FXR1: variants seen among roughly 807,000 people sequenced by gnomAD.
The protein encoded by FXR1 is RNA-binding protein FXR1.
In FXR1, 15 loss-of-function variants were observed where a neutral mutation model predicts 84.0. The observed-to-expected ratio is 0.18, with a 90% CI of 0.12 to 0.27. The LOEUF is 0.27. Among genes scored for constraint, FXR1 ranks in the 10% least tolerant of loss-of-function variants. The pLI is 1.00. For synonymous variants in FXR1, 245 were observed against 250.7 expected, an observed-to-expected ratio of 0.98 and a Z score of 0.21; for missense variants, 480 against 774.4, an observed-to-expected ratio of 0.62 and a Z score of 4.51.
Position 180,953,782 on chromosome 3 carries a change from G to C in FXR1, c.822G>C (p.Lys274Asn), listed in dbSNP as rs371122085. ...TACAGAGTGCTGATGCTGTAAAAAAGGCTAGAGGTTTCTTGGAATTTGTGG... is the reference window on the plus strand; with the variant it reads ...TACAGAGTGCTGATGCTGTAAAAAACGCTAGAGGTTTCTTGGAATTTGTGG... ...IYGESADAVK[K>N]ARGFLEFVED... The change falls in exon 9 of 17, where the codon AAG (lysine) becomes AAC (asparagine). Residue 274 changes from lysine (K) to asparagine (N), a missense_variant. Physicochemically the swap from Lys to Asn is moderately conservative, Grantham distance 94 (BLOSUM62 0). This residue lies in a region of FXR1 where 136 missense variants were observed against 315.4 expected (regional missense o/e 0.43). Coordinates refer to ENST00000357559, the MANE Select transcript of FXR1 (RefSeq NM_005087.4). 6 of 1,584,060 alleles carry C rather than the reference G, an allele frequency of 3.8e-6. No homozygotes were observed. In the African/African-American group the frequency reaches 5.4e-5, roughly 14 times the overall value.
Position 180,938,120 on chromosome 3 carries a change from A to G in FXR1, c.198+2889A>G, listed in dbSNP as rs553420564. Among the ~76,000 whole-genome samples the G allele has an allele frequency of 7.2e-5, 11 of 152,330 alleles. No individual in the cohort carries two copies. The South Asian group carries it at 2.3e-3, about 32-fold the overall frequency. On this transcript the variant is annotated intron_variant, in intron 3 of 16. Coordinates refer to ENST00000357559, the MANE Select transcript of FXR1 (RefSeq NM_005087.4). ...TATTTGGTGTGGATATATCAAATTAAAAGACATTGAAATTACCAGATTTTT... is the reference window on the plus strand; with the variant it reads ...TATTTGGTGTGGATATATCAAATTAGAAGACATTGAAATTACCAGATTTTT...
intron 1 of FXR1, chr3:180,915,668 C>A (rs776045040): frequency 8.5e-6 from 6 of 703,226 alleles, no homozygotes; most frequent in Non-Finnish European, 1.6e-5. Context: ...TCCTCTTACC[C>A]CGTATAGGCA....
intron 1 of FXR1, among the ~76,000 whole-genome samples, chr3:180,931,499 G>A (rs139978610): frequency 5.3e-5 from 8 of 152,160 alleles, no homozygotes; most frequent in East Asian, 3.9e-4. Flanking sequence ...CATTTCAGGC[G>A]TGAGTCACTG....
intron 1 of FXR1, chr3:180,933,105 C>T: frequency 1.3e-5 from 6 of 470,008 alleles, no homozygotes; most frequent in Non-Finnish European, 2.2e-5. Flanking sequence ...TTTACTTTTG[C>T]TAATTCCCAG....
intron 14 of FXR1, 33 bp downstream of exon 14, chr3:180,968,287 A>G (rs1295701502): frequency 1.4e-6 from 2 of 1,399,498 alleles, no homozygotes; most frequent in Admixed American, 1.7e-5. Flanking sequence ...AGCATCCATT[A>G]TTTGTAAACA....
chr3:180,946,734 T>C (rs1039181707), intron 3 of FXR1, among the ~76,000 whole-genome samples: 16 of 152,342 alleles, frequency 1.1e-4, no homozygotes, highest in African/African-American at 3.1e-4. Context: ...CAAATCATCC[T>C]GATAGAAGCT....
At chr3:180,913,839 C>A (rs370561074) in intron 1 of FXR1, among the ~76,000 whole-genome samples, 3 of 152,320 alleles carry the variant, frequency 2.0e-5, no homozygotes, top group South Asian at 4.1e-4. Context: ...GAAGGGCCTT[C>A]TTCTAATACA....
intron 10 of FXR1, among the ~76,000 whole-genome samples, chr3:180,958,288 G>A (rs1211088404): frequency 6.6e-6 from 1 of 151,974 alleles, no homozygotes. Flanking sequence ...TGGTTACATG[G>A]TTAAGCTGCT....
rs929824811 is a variant in FXR1 at position 180,954,005 on chromosome 3, G to T, written c.880+165G>T. 3 of 547,518 alleles carry T rather than the reference G, an allele frequency of 5.5e-6. No homozygotes were observed. The African/African-American group carries it at 5.8e-5, about 11-fold the overall frequency. 33.9% of individuals were successfully genotyped at this position (547,518 alleles called of 1,614,324 possible). ...TCTTTTTTTGGTGATAACATTTTGTGTAACTTGTTATTGTCATATGTTAAA... is the reference window on the plus strand; with the variant it reads ...TCTTTTTTTGGTGATAACATTTTGTTTAACTTGTTATTGTCATATGTTAAA... On this transcript the variant is annotated intron_variant, in intron 9 of 16. Transcript: ENST00000357559.
Position 180,949,405 on chromosome 3 carries a change from G to C in FXR1, c.630+62G>C, listed in dbSNP as rs1721993262. The stretch of plus-strand genomic sequence containing the variant: ...CCATTTAGTTTTTGTTTGTTTTTTG[G>C]AGACAGATTCTGGCTCTGTTGCCCA... On this transcript the variant is annotated intron_variant, in intron 7 of 16. Coordinates refer to ENST00000357559, the MANE Select transcript of FXR1 (RefSeq NM_005087.4). 24 of 858,642 alleles carry C rather than the reference G, an allele frequency of 2.8e-5. No homozygotes were observed. In the South Asian group the frequency reaches 3.2e-4, roughly 11 times the overall value. 53.2% of individuals were successfully genotyped at this position (858,642 alleles called of 1,614,324 possible). A position where few individuals can be genotyped will look rare whatever the true frequency, so the allele number is the denominator to read the frequency against.
intron 1 of FXR1, among the ~76,000 whole-genome samples, chr3:180,916,924 T>A (rs1371152683): frequency 6.6e-6 from 1 of 152,140 alleles, no homozygotes; most frequent in African/African-American, 2.4e-5. Flanking sequence ...AACCTCTGAC[T>A]CAGTGGTTCA....
At chr3:180,936,170 G>A (rs1720503744) in intron 3 of FXR1, among the ~76,000 whole-genome samples, 1 of 152,102 alleles carries the variant, frequency 6.6e-6, no homozygotes, top group Admixed American at 6.6e-5. Context: ...GGGATTACAG[G>A]TGTGAGCCAC....
At chr3:180,961,673 T>G (rs1712137339) in intron 11 of FXR1, 119 bp downstream of exon 11, 2 of 515,728 alleles carry the variant, frequency 3.9e-6, no homozygotes, top group Admixed American at 3.4e-5. Flanking sequence ...TGAAGTAAAC[T>G]TCAAATCTTT....
At chr3:180,916,367 G>A (rs1416914576) in intron 1 of FXR1, among the ~76,000 whole-genome samples, 5 of 152,150 alleles carry the variant, frequency 3.3e-5, no homozygotes, top group African/African-American at 1.2e-4. Flanking sequence ...ATTGCAATTT[G>A]TATGGCCTTG....
At position 180,955,317 on chromosome 3, in the gene FXR1, C is replaced by G. The variant is rs576356181; in HGVS notation, c.880+1477C>G. On this transcript the variant is annotated intron_variant, in intron 9 of 16. Coordinates refer to ENST00000357559, the MANE Select transcript of FXR1 (RefSeq NM_005087.4). ...CCCGGATGTAAAAAGCCTTTCAATT[C>G]TCCTCAAACATTTGGATAGGTATGA... 1.3e-5 allele frequency among the ~76,000 whole-genome samples: 2 copies of G among 152,070 alleles called. 1 individual carries two copies. Among genetic ancestry groups the G allele is most frequent in the South Asian group, 4.1e-4 (2 of 4,820 alleles).
Position 180,946,479 on chromosome 3 carries a change from G to T in FXR1, c.199-1386G>T, listed in dbSNP as rs1302758162. Among the ~76,000 whole-genome samples the T allele has an allele frequency of 7.2e-5, 11 of 152,100 alleles. 1 individual carries two copies. Among genetic ancestry groups the T allele is most frequent in the Non-Finnish European group, 2.9e-5 (2 of 67,996 alleles). On this transcript the variant is annotated intron_variant, in intron 3 of 16. Coordinates refer to ENST00000357559, the MANE Select transcript of FXR1 (RefSeq NM_005087.4). The stretch of plus-strand genomic sequence containing the variant: ...TAGTCTTAGAGAAGTAAACTTTCTT[G>T]TTTTTTGGAATATGTCGTAAGGAAG...
intron 14 of FXR1, among the ~76,000 whole-genome samples, chr3:180,968,670 T>C (rs912621023): frequency 9.2e-5 from 14 of 152,322 alleles, no homozygotes; most frequent in African/African-American, 3.1e-4. Flanking sequence ...GTGAAGAGCA[T>C]TCTTAGCTAC....
intron 3 of FXR1, among the ~76,000 whole-genome samples, chr3:180,945,416 T>C (rs947437260): frequency 2.6e-5 from 4 of 152,234 alleles, no homozygotes; most frequent in Non-Finnish European, 5.9e-5. Context: ...TACCTTTTTT[T>C]TCCCCCTGGA....
intron 15 of FXR1, 102 bp downstream of exon 15, chr3:180,970,460 A>C: frequency 4.2e-6 from 1 of 237,264 alleles, no homozygotes; most frequent in East Asian, 8.3e-5. Context: ...CTTTTTTCAA[A>C]GAAATATGCA....
Sources: allele counts gnomAD v4.1 joint callset (sites outside exome capture counted in the v4.1 genomes callset), GRCh38; gene constraint gnomAD v4.1.1; regional missense constraint gnomAD v4.1.1; transcripts MANE v1.5; gene names NCBI Gene and HGNC (gene_info 2026-07-23, HGNC 2026-07-21).